Variants in CHST11 observed in about 807,000 individuals in gnomAD.
CHST11 encodes the protein C4S-1.
Under a neutral mutation model 30.4 loss-of-function variants are expected in CHST11, and 9 were observed. That is an observed-to-expected ratio of 0.30 (90% CI 0.18 to 0.52). CHST11 has a LOEUF of 0.52. Among genes scored for constraint, CHST11 ranks in the 20% least tolerant of loss-of-function variants. CHST11 has a pLI of 0.97. For missense variants in CHST11, 348 were observed against 460.6 expected, an observed-to-expected ratio of 0.76 and a Z score of 2.24; for synonymous variants, 152 against 187.8, an observed-to-expected ratio of 0.81 and a Z score of 1.56.
At chr12:104,464,453 C>T (rs1352602454) in intron 1 of CHST11, among the ~76,000 whole-genome samples, 1 of 152,068 alleles carries the variant, frequency 6.6e-6, no homozygotes. Context: ...CCCTCTACCA[C>T]CTGCTCCCCC....
chr12:104,721,928 A>G (rs997079605), intron 2 of CHST11, among the ~76,000 whole-genome samples: 3 of 152,238 alleles, frequency 2.0e-5, no homozygotes, highest in African/African-American at 7.2e-5. Flanking sequence ...GATGGAGTTT[A>G]AACTCAGATC....
chr12:104,708,122 G>C, intron 2 of CHST11, among the ~76,000 whole-genome samples: 1 of 152,216 alleles, frequency 6.6e-6, no homozygotes, highest in East Asian at 1.9e-4. Flanking sequence ...TGTGCACCCT[G>C]GCAAGGGAGA....
chr12:104,640,519 A>G (rs1035422114), intron 2 of CHST11, among the ~76,000 whole-genome samples: 6 of 152,356 alleles, frequency 3.9e-5, no homozygotes, highest in African/African-American at 1.2e-4. Context: ...ACATTCTGTA[A>G]AAGTTGGCAA....
At chr12:104,557,153 C>A (rs1310402196) in intron 1 of CHST11, among the ~76,000 whole-genome samples, 1 of 152,160 alleles carries the variant, frequency 6.6e-6, no homozygotes, top group African/African-American at 2.4e-5. Flanking sequence ...AGGACCTGGA[C>A]ATTTCTTTTT....
At chr12:104,492,123 G>A (rs1035490929) in intron 1 of CHST11, among the ~76,000 whole-genome samples, 2 of 152,178 alleles carry the variant, frequency 1.3e-5, no homozygotes, top group East Asian at 1.9e-4. Context: ...TAGAGATGGA[G>A]TCTCGCTCTG....
intron 1 of CHST11, among the ~76,000 whole-genome samples, chr12:104,590,840 C>T (rs527737226): frequency 2.6e-4 from 39 of 151,570 alleles, no homozygotes; most frequent in Admixed American, 8.5e-4. Context: ...AAGAATTGCT[C>T]GAACATGGGA....
chr12:104,674,297 C>T (rs1456058418), intron 2 of CHST11, among the ~76,000 whole-genome samples: 2 of 152,170 alleles, frequency 1.3e-5, no homozygotes, highest in Admixed American at 6.5e-5. Context: ...AACCAGATCA[C>T]TAATTCTACG....
intron 1 of CHST11, among the ~76,000 whole-genome samples, chr12:104,563,862 G>A (rs940111633): frequency 6.6e-6 from 1 of 151,990 alleles, no homozygotes; most frequent in Admixed American, 6.6e-5. Context: ...GCCCTGGAAT[G>A]GGTCAGGTGG....
At chr12:104,487,007 T>TAAA (rs1479581765) in intron 1 of CHST11, among the ~76,000 whole-genome samples, 2 of 152,220 alleles carry the variant, frequency 1.3e-5, no homozygotes, top group African/African-American at 2.4e-5. Flanking sequence ...TCTGAGATAT[T>TAAA]TTAAAGTCCT....
At chr12:104,633,412 CTT>C (rs34686417) in intron 2 of CHST11, among the ~76,000 whole-genome samples, 4 of 111,874 alleles carry the variant, frequency 3.6e-5, no homozygotes, top group South Asian at 3.1e-4. Context: ...CTCCCTCTGT[CTT>C]TTTTTTTTTT....
At position 104,494,271 on chromosome 12, in the gene CHST11, G is replaced by A. The variant is rs1565962446; in HGVS notation, c.118+36742G>A. ...TGAGAGACAGAGCCTGCACCACGAA[G>A]CAAAGGCAGGAGCTTGTGAGCTTGT... is the stretch of plus-strand genomic sequence containing the variant. On this transcript the variant is annotated intron_variant, in intron 1 of 2. Coordinates refer to ENST00000303694, the MANE Select transcript of CHST11 (RefSeq NM_018413.6). Among the ~76,000 whole-genome samples, 4 of 152,260 alleles carry A rather than the reference G, an allele frequency of 2.6e-5. No individual in the cohort carries two copies. The East Asian group carries it at 5.8e-4, about 22-fold the overall frequency.
intron 2 of CHST11, among the ~76,000 whole-genome samples, chr12:104,620,183 G>GC (rs910173876): frequency 3.3e-5 from 5 of 152,144 alleles, no homozygotes; most frequent in South Asian, 2.1e-4. Context: ...CCCAAATGGT[G>GC]CCCCCCCAAC....
intron 1 of CHST11, among the ~76,000 whole-genome samples, chr12:104,529,621 T>C (rs991031815): frequency 6.6e-6 from 1 of 152,202 alleles, no homozygotes; most frequent in Non-Finnish European, 1.5e-5. Context: ...TGTTTTGCCA[T>C]CTTCAATGTA....
intron 2 of CHST11, among the ~76,000 whole-genome samples, chr12:104,703,511 G>A (rs535931937): frequency 9.2e-5 from 14 of 152,134 alleles, no homozygotes; most frequent in Non-Finnish European, 1.3e-4. Context: ...CCCGGCTGCC[G>A]TCTTTCTTCT....
intron 2 of CHST11, among the ~76,000 whole-genome samples, chr12:104,705,556 G>A (rs576650405): frequency 1.9e-4 from 29 of 152,250 alleles, no homozygotes; most frequent in South Asian, 1.9e-3. Context: ...ATGGGGAGCC[G>A]GGTAATAAAC....
intron 1 of CHST11, among the ~76,000 whole-genome samples, chr12:104,506,839 G>A (rs1223079405): frequency 1.3e-5 from 2 of 152,200 alleles, no homozygotes. Flanking sequence ...AGGGACCACA[G>A]GGAGGGGAGA....
chr12:104,619,964 G>A (rs761910455), intron 2 of CHST11, among the ~76,000 whole-genome samples: 10 of 152,168 alleles, frequency 6.6e-5, no homozygotes, highest in Non-Finnish European at 1.2e-4. Flanking sequence ...CAATAGGTGA[G>A]CCCAGCCAAC....
intron 1 of CHST11, among the ~76,000 whole-genome samples, chr12:104,499,034 T>G (rs1025896213): frequency 6.6e-6 from 1 of 152,176 alleles, no homozygotes; most frequent in African/African-American, 2.4e-5. Flanking sequence ...TCCTCATTCT[T>G]TTTTCCTCCC....
intron 1 of CHST11, among the ~76,000 whole-genome samples, chr12:104,490,912 G>C (rs1376125687): frequency 1.3e-5 from 2 of 152,108 alleles, no homozygotes; most frequent in South Asian, 4.1e-4. Context: ...AACACAGGGC[G>C]ATCTTTGGCA....
Sources: gnomAD v4.1 joint callset for allele counts (sites outside exome capture counted in the v4.1 genomes callset) on GRCh38, gnomAD v4.1.1 for gene constraint, MANE v1.5 for transcripts, NCBI Gene and HGNC (gene_info 2026-07-23, HGNC 2026-07-21) for gene names.